GALNT13: variants seen among roughly 807,000 people sequenced by gnomAD.
GALNT13 encodes polypeptide N-acetylgalactosaminyltransferase 13.
In GALNT13, 28 loss-of-function variants were observed where a neutral mutation model predicts 64.2. That is an observed-to-expected ratio of 0.44 (90% CI 0.32 to 0.60). The LOEUF is 0.60. Ranked by LOEUF, GALNT13 falls within the 20% of genes least tolerant of loss-of-function variation. The pLI is 0.05. For synonymous variants in GALNT13, 214 were observed against 224.6 expected, an observed-to-expected ratio of 0.95 and a Z score of 0.42; for missense variants, 577 against 669.8, an observed-to-expected ratio of 0.86 and a Z score of 1.53.
intron 1 of GALNT13, among the ~76,000 whole-genome samples, chr2:153,882,189 A>C (rs1335687476): frequency 7.1e-6 from 1 of 140,008 alleles, no homozygotes; most frequent in African/African-American, 2.6e-5. Context: ...GGGGGGGTCG[A>C]GGCAGGGGGA....
At chr2:153,549,984 G>A in the GALNT13 span, among the ~76,000 whole-genome samples, 6 of 152,176 alleles carry the variant, frequency 3.9e-5, no homozygotes, top group African/African-American at 4.8e-5. Flanking sequence ...CTAAGCTACC[G>A]TAGCAATAGC....
the GALNT13 span, among the ~76,000 whole-genome samples, chr2:153,501,251 C>A: frequency 1.3e-5 from 2 of 152,118 alleles, no homozygotes; most frequent in Non-Finnish European, 2.9e-5. Flanking sequence ...GAAGACTTAG[C>A]TTTTCAGTCT....
intron 2 of GALNT13, among the ~76,000 whole-genome samples, chr2:153,932,713 C>T (rs1240748610): frequency 5.3e-5 from 8 of 150,142 alleles, no homozygotes; most frequent in Non-Finnish European, 8.9e-5. Flanking sequence ...CTGTAACCTC[C>T]GCCTCCTGGG....
At chr2:153,979,369 C>T (rs1301634177) in intron 3 of GALNT13, among the ~76,000 whole-genome samples, 1 of 152,060 alleles carries the variant, frequency 6.6e-6, no homozygotes, top group Non-Finnish European at 1.5e-5. Flanking sequence ...TGCTTTTGAA[C>T]AGATCAATAT....
chr2:154,446,221 T>C (rs548354460), intron 12 of GALNT13, among the ~76,000 whole-genome samples: 2 of 152,202 alleles, frequency 1.3e-5, no homozygotes, highest in South Asian at 4.1e-4. Flanking sequence ...CTATTTTGAA[T>C]ATCCACTCGC....
At chr2:153,069,496 T>A in the GALNT13 span, among the ~76,000 whole-genome samples, 1 of 152,274 alleles carries the variant, frequency 6.6e-6, no homozygotes, top group African/African-American at 2.4e-5. Flanking sequence ...ATCACCTTTA[T>A]CTCCTCTATT....
chr2:154,010,062 G>A (rs952414857), intron 3 of GALNT13, among the ~76,000 whole-genome samples: 1 of 152,142 alleles, frequency 6.6e-6, no homozygotes, highest in East Asian at 1.9e-4. Context: ...GAGCTATTGA[G>A]CAGGAATTAT....
At chr2:153,606,496 T>G in the GALNT13 span, among the ~76,000 whole-genome samples, 1 of 152,132 alleles carries the variant, frequency 6.6e-6, no homozygotes, top group Non-Finnish European at 1.5e-5. Context: ...TTTTTTGTGA[T>G]TTTTAAAAGC....
intron 2 of GALNT13, among the ~76,000 whole-genome samples, chr2:153,943,488 C>T (rs1850751): frequency 0.7 from 105,216 of 150,638 alleles, 36,947 homozygotes; most frequent in East Asian, 0.84. Flanking sequence ...TTTATTTTTA[C>T]GTATGTATGT....
chr2:153,525,695 C>T, the GALNT13 span, among the ~76,000 whole-genome samples: 41 of 152,116 alleles, frequency 2.7e-4, no homozygotes, highest in Non-Finnish European at 5.6e-4. Context: ...ATGAAACATC[C>T]CTAGTGCCAA....
At chr2:153,548,470 A>G in the GALNT13 span, among the ~76,000 whole-genome samples, 1 of 152,134 alleles carries the variant, frequency 6.6e-6, no homozygotes. Flanking sequence ...ACTTAACGTG[A>G]GTAGTAGAGT....
chr2:154,432,888 A>G lies in GALNT13; in HGVS notation c.1396-5704A>G, dbSNP rs1230888481. Reference sequence around the variant, plus strand: ...CATCTGGGGAGCCACAGTTCAACCCATAATGGAAAGTATCAGAATATGAAG... The same window carrying G: ...CATCTGGGGAGCCACAGTTCAACCCGTAATGGAAAGTATCAGAATATGAAG... On this transcript the variant is annotated intron_variant, in intron 11 of 12. Coordinates refer to ENST00000392825, the MANE Select transcript of GALNT13 (RefSeq NM_052917.4). Among the ~76,000 whole-genome samples, 4 of 152,324 alleles carry G rather than the reference A, an allele frequency of 2.6e-5. No individual in the cohort carries two copies. In the South Asian group the frequency reaches 6.2e-4, roughly 24 times the overall value.
chr2:153,458,386 A>G, the GALNT13 span, among the ~76,000 whole-genome samples: 1 of 152,210 alleles, frequency 6.6e-6, no homozygotes, highest in South Asian at 2.1e-4. Context: ...GAGAGGCAGA[A>G]CAATCCAAGT....
intron 3 of GALNT13, among the ~76,000 whole-genome samples, chr2:154,036,291 G>A (rs1431415135): frequency 1.3e-5 from 2 of 152,044 alleles, no homozygotes; most frequent in Non-Finnish European, 2.9e-5. Context: ...TTGATCCCAT[G>A]ATATACCTGA....
chr2:153,084,434 C>T, the GALNT13 span, among the ~76,000 whole-genome samples: 2 of 152,066 alleles, frequency 1.3e-5, no homozygotes, highest in Non-Finnish European at 2.9e-5. Context: ...TTATAGTTTT[C>T]CTTGTAGAAA....
At chr2:153,233,116 A>G in the GALNT13 span, among the ~76,000 whole-genome samples, 1 of 152,190 alleles carries the variant, frequency 6.6e-6, no homozygotes, top group African/African-American at 2.4e-5. Flanking sequence ...ATATTTTTGA[A>G]TTAGTTTATA....
At chr2:154,068,391 T>A (rs768514628) in intron 3 of GALNT13, among the ~76,000 whole-genome samples, 1 of 152,012 alleles carries the variant, frequency 6.6e-6, no homozygotes, top group Non-Finnish European at 1.5e-5. Context: ...GAAATCAGTA[T>A]GTCTAAGATA....
At chr2:154,046,166 A>G (rs1468643794) in intron 3 of GALNT13, among the ~76,000 whole-genome samples, 2 of 152,202 alleles carry the variant, frequency 1.3e-5, no homozygotes, top group East Asian at 3.9e-4. Flanking sequence ...AAATAAAAAT[A>G]AAAAAAGAAG....
intron 4 of GALNT13, among the ~76,000 whole-genome samples, chr2:154,236,426 C>A (rs1369444125): frequency 6.6e-6 from 1 of 152,060 alleles, no homozygotes; most frequent in Non-Finnish European, 1.5e-5. Flanking sequence ...GACAGAAGCT[C>A]TCACACCTAT....
Sources: gnomAD v4.1 joint callset for allele counts (sites outside exome capture counted in the v4.1 genomes callset) on GRCh38, gnomAD v4.1.1 for gene constraint, MANE v1.5 for transcripts, NCBI Gene and HGNC (gene_info 2026-07-23, HGNC 2026-07-21) for gene names.